Variants in TRIM67 observed in about 807,000 individuals in gnomAD.
TRIM67 encodes tripartite motif containing 67, also known as tripartite motif-containing protein 67.
TRIM67 carries 39 observed loss-of-function variants against 71.0 expected under a neutral mutation model. The ratio of observed to expected loss-of-function variants is 0.55; its 90% CI spans 0.43 to 0.72. The LOEUF is 0.72. Ranked by LOEUF, TRIM67 falls within the 30% of genes least tolerant of loss-of-function variation. The pLI, the probability that TRIM67 is intolerant of heterozygous loss-of-function variation, is 0.00. For missense variants in TRIM67, 973 were observed against 1,079.2 expected, an observed-to-expected ratio of 0.90 and a Z score of 1.38; for synonymous variants, 481 against 473.9, an observed-to-expected ratio of 1.01 and a Z score of -0.19.
intron 1 of TRIM67, among the ~76,000 whole-genome samples, chr1:231,178,553 G>A (rs1682816089): frequency 6.6e-6 from 1 of 152,228 alleles, no homozygotes; most frequent in Admixed American, 6.5e-5. Context: ...CTTAGTGACG[G>A]TGTCCTCTTG....
intron 1 of TRIM67, among the ~76,000 whole-genome samples, chr1:231,196,739 T>C (rs1683378073): frequency 6.6e-6 from 1 of 152,210 alleles, no homozygotes; most frequent in Admixed American, 6.5e-5. Flanking sequence ...CTGATCCTCA[T>C]GCTTCAGAAG....
intron 1 of TRIM67, among the ~76,000 whole-genome samples, chr1:231,194,903 C>A (rs1014183618): frequency 6.6e-6 from 1 of 151,968 alleles, no homozygotes; most frequent in Non-Finnish European, 1.5e-5. Flanking sequence ...AAAGCGGGGC[C>A]GGGGAGTGCG....
intron 1 of TRIM67, among the ~76,000 whole-genome samples, chr1:231,177,515 G>A (rs1422807998): frequency 6.6e-6 from 1 of 152,204 alleles, no homozygotes; most frequent in Non-Finnish European, 1.5e-5. Flanking sequence ...TGTTCTTGGT[G>A]TTATCAGAGC....
In TRIM67 at chr1:231,219,931, C is replaced by A; in HGVS notation, c.*4491C>A. 1 of 1,289,814 alleles carries A rather than the reference C, an allele frequency of 7.8e-7. No homozygotes were observed. The allele number at this position is 1,289,814 out of a possible 1,614,324, so 79.9% of individuals were successfully genotyped here. A position where few individuals can be genotyped will look rare whatever the true frequency, so the allele number is the denominator to read the frequency against. On this transcript the variant is annotated 3_prime_UTR_variant, in exon 10 of 10. Transcript: ENST00000366653. ...TATTGATCAGACACCAAGTTCAGCC[C>A]TCGGTTACTTCCCTCTTTTAACCTG...
At chr1:231,202,121 G>A (rs1683555110) in intron 5 of TRIM67, among the ~76,000 whole-genome samples, 1 of 84,644 alleles carries the variant, frequency 1.2e-5, no homozygotes, top group East Asian at 3.5e-4. Flanking sequence ...AGGTAATGGT[G>A]GAGGAGGAGA....
In TRIM67 at chr1:231,197,368, C is replaced by G; in HGVS notation, c.1045-3C>G. ...TCTTTTCAACATGTGATATCTTTTT[C>G]AGGCACAACTATCTCAGGCCTTAAA... On this transcript the variant is annotated splice_region_variant and splice_polypyrimidine_tract_variant and intron_variant, in intron 1 of 9. Transcript: ENST00000366653. 6.2e-7 allele frequency: 1 copy of G among 1,610,738 alleles called. No individual in the cohort carries two copies. The highest frequency in any genetic ancestry group is 1.1e-5 in the South Asian group (1 of 90,102).
At chr1:231,197,319 T>G (rs1683391290) in intron 1 of TRIM67, 52 bp from the exon 2 acceptor site, 2 of 1,532,238 alleles carry the variant, frequency 1.3e-6, no homozygotes, top group Non-Finnish European at 1.8e-6. Context: ...GTGCAAATTT[T>G]CTGTGCCTTT....
At position 231,162,959 on chromosome 1, in the gene TRIM67, C is replaced by T; in HGVS notation, c.-11C>T. ...CCCCAGCGCAGAGCAGCGCTGGCAGCCGGCGCCGCGATGGAGGAAGAGCTG... is the reference window on the plus strand; with the variant it reads ...CCCCAGCGCAGAGCAGCGCTGGCAGTCGGCGCCGCGATGGAGGAAGAGCTG... On this transcript the variant is annotated 5_prime_UTR_variant, in exon 1 of 10. Transcript: ENST00000366653. 1.9e-6 allele frequency: 3 copies of T among 1,608,994 alleles called. No individual in the cohort carries two copies. In the South Asian group the frequency reaches 3.3e-5, roughly 18 times the overall value.
In TRIM67 at chr1:231,209,204, G is replaced by T; in HGVS notation, c.2077G>T (p.Asp693Tyr). Residue 693 changes from aspartate to tyrosine, a missense_variant, in exon 8 of 10, where the codon GAC becomes TAC. Coordinates refer to ENST00000366653, the MANE Select transcript of TRIM67 (RefSeq NM_001004342.5). This position sits in a 1 kb window ranked among gnomAD's most constrained non-coding sequence, Gnocchi z 4.1. ...KDDKAWAMYV[D>Y]NNRSWFMHCN... ...TGACAAGGCCTGGGCCATGTATGTG[G>T]ACAACAACCGCAGCTGGTTCATGCA... The T allele has an allele frequency of 6.3e-7, 1 of 1,592,760 alleles. No homozygotes were observed. Among genetic ancestry groups the T allele is most frequent in the Non-Finnish European group, 8.6e-7 (1 of 1,165,810 alleles).
At chr1:231,189,488 G>A (rs1265050245) in intron 1 of TRIM67, among the ~76,000 whole-genome samples, 1 of 152,192 alleles carries the variant, frequency 6.6e-6, no homozygotes, top group African/African-American at 2.4e-5. Flanking sequence ...ATCAGAGTTA[G>A]TCATAGGAGA....
At chr1:231,179,834 T>A (rs944895337) in intron 1 of TRIM67, among the ~76,000 whole-genome samples, 12 of 152,046 alleles carry the variant, frequency 7.9e-5, no homozygotes, top group Middle Eastern at 3.4e-3. Context: ...CAGGTGTGAG[T>A]TGGGGAGAAG....
rs964705669 is a variant in TRIM67 at position 231,217,463 on chromosome 1, C to G, written c.*2023C>G. 11 of 997,004 alleles carry G rather than the reference C, an allele frequency of 1.1e-5. No individual in the cohort carries two copies. Among genetic ancestry groups the G allele is most frequent in the Non-Finnish European group, 1.1e-5 (9 of 837,052 alleles). The allele number at this position is 997,004 out of a possible 1,614,324, so 61.8% of individuals were successfully genotyped here. A position where few individuals can be genotyped will look rare whatever the true frequency, so the allele number is the denominator to read the frequency against. ...CATATCCCTGCAGCTTCATCCTTAGCCATAGCTCTGGGTGGCCTTTGCTTG... is the reference window on the plus strand; with the variant it reads ...CATATCCCTGCAGCTTCATCCTTAGGCATAGCTCTGGGTGGCCTTTGCTTG... On this transcript the variant is annotated 3_prime_UTR_variant, in exon 10 of 10. Coordinates refer to ENST00000366653, the MANE Select transcript of TRIM67 (RefSeq NM_001004342.5).
At position 231,163,464 on chromosome 1, in the gene TRIM67, C is replaced by T; in HGVS notation, c.495C>T (p.Ser165=). 6.5e-7 allele frequency: 1 copy of T among 1,538,046 alleles called. No individual in the cohort carries two copies. Among genetic ancestry groups the T allele is most frequent in the South Asian group, 1.2e-5 (1 of 82,948 alleles). Residue 165 remains serine, a synonymous_variant, in exon 1 of 10, where the codon AGC becomes AGT. Transcript: ENST00000366653. ...SSITCPQCHR[S]ASLDHRGLRG... is the part of the protein sequence containing the mutation. ...TCACGTGCCCGCAGTGCCACCGCAG[C>T]GCATCCCTGGACCACCGCGGCCTGC...
In TRIM67 at chr1:231,215,514, C is replaced by A; in HGVS notation, c.*74C>A. 1 of 1,491,484 alleles carries A rather than the reference C, an allele frequency of 6.7e-7. No individual in the cohort carries two copies. The highest frequency in any genetic ancestry group is 1.3e-5 in the South Asian group (1 of 77,646). 92.4% of individuals were successfully genotyped at this position (1,491,484 alleles called of 1,614,324 possible). ...AAACGCCCACCATTCTCACTAAGCT[C>A]AAATAACCCACAAAAGCAGGATATG... On this transcript the variant is annotated 3_prime_UTR_variant, in exon 10 of 10. Transcript: ENST00000366653.
chr1:231,210,681 C>T (rs1436001310), intron 8 of TRIM67, among the ~76,000 whole-genome samples: 1 of 151,720 alleles, frequency 6.6e-6, no homozygotes, highest in African/African-American at 2.4e-5. Flanking sequence ...AGGAAGCACT[C>T]GATGTATCTG....
chr1:231,166,148 G>A (rs1409170623), intron 1 of TRIM67, among the ~76,000 whole-genome samples: 1 of 152,218 alleles, frequency 6.6e-6, no homozygotes, highest in East Asian at 1.9e-4. Context: ...CCCCTCGAGT[G>A]GGCAGTGTAA....
rs566953055 is a variant in TRIM67, at chr1:231,221,141, G to C, written c.*5701G>C. The C allele has an allele frequency of 6.6e-6, 1 of 152,224 alleles. No individual in the cohort carries two copies. Among genetic ancestry groups the C allele is most frequent in the Non-Finnish European group, 1.5e-5 (1 of 68,050 alleles). The allele number at this position is 152,224 out of a possible 1,614,324, so 9.4% of individuals were successfully genotyped here. On this transcript the variant is annotated 3_prime_UTR_variant, in exon 10 of 10. Transcript: ENST00000366653. ...CTAAGCTGTTGTATTAAGCATGAGA[G>C]GTGTTTGTTTAACGTTGGCAAAGGG...
rs774350158 is a variant in TRIM67, at chr1:231,164,034, A to T, written c.1044+21A>T. 4 of 1,477,074 alleles carry T rather than the reference A, an allele frequency of 2.7e-6. No individual in the cohort carries two copies. The East Asian group carries it at 1.1e-4, about 39-fold the overall frequency. 91.5% of individuals were successfully genotyped at this position (1,477,074 alleles called of 1,614,324 possible). A position where few individuals can be genotyped will look rare whatever the true frequency, so the allele number is the denominator to read the frequency against. ...ACAAGGTGAGCCCGCGGGACGCGGGAGTGCAGGTGCCAGGGAAGAGGGTAC... is the reference window on the plus strand; with the variant it reads ...ACAAGGTGAGCCCGCGGGACGCGGGTGTGCAGGTGCCAGGGAAGAGGGTAC... On this transcript the variant is annotated intron_variant, in intron 1 of 9. Coordinates refer to ENST00000366653, the MANE Select transcript of TRIM67 (RefSeq NM_001004342.5).
chr1:231,185,385 A>G (rs1005057709), intron 1 of TRIM67: 8 of 761,804 alleles, frequency 1.1e-5, no homozygotes, highest in Non-Finnish European at 1.6e-5. Context: ...AATCTAAAAC[A>G]ACCCAAACAA....
Sources: allele counts gnomAD v4.1 joint callset (sites outside exome capture counted in the v4.1 genomes callset), GRCh38; gene constraint gnomAD v4.1.1; non-coding constraint Gnocchi (gnomAD v3.1); transcripts MANE v1.5; gene names NCBI Gene and HGNC (gene_info 2026-07-23, HGNC 2026-07-21).